PROM1: variants seen among roughly 807,000 people sequenced by gnomAD.
The protein encoded by PROM1 is prominin 1, also known as prominin-1.
A neutral mutation model predicts 116.9 loss-of-function variants in PROM1; 105 were observed. The ratio of observed to expected loss-of-function variants is 0.90; its 90% CI spans 0.77 to 1.06. The LOEUF (loss-of-function observed/expected upper bound fraction) is 1.06. Among genes scored for constraint, PROM1 ranks in the 50% least tolerant of loss-of-function variants. PROM1 has a pLI of 0.00. For missense variants in PROM1, 1,122 were observed against 1,045.2 expected (o/e 1.07, Z -1.01); for synonymous variants, 393 against 387.0 (o/e 1.02, Z -0.18).
At chr4:16,041,010 C>T (rs1249090161) in intron 2 of PROM1, among the ~76,000 whole-genome samples, 4 of 152,234 alleles carry the variant, frequency 2.6e-5, no homozygotes, top group Admixed American at 6.5e-5. Context: ...GAGCCCAGCA[C>T]CTCAAAGGTA....
chr4:16,021,928 C>T (rs573448425), intron 8 of PROM1, among the ~76,000 whole-genome samples: 49 of 152,188 alleles, frequency 3.2e-4, no homozygotes, highest in Non-Finnish European at 5.6e-4. Context: ...AGGTAACTAA[C>T]GTTAAATAAG....
intron 18 of PROM1, 126 bp from the exon 19 acceptor site, chr4:15,989,950 G>C (rs1307494579): frequency 1.4e-6 from 1 of 717,772 alleles, no homozygotes; most frequent in African/African-American, 1.7e-5. Context: ...ATGGCTGTGA[G>C]TGGGCATGGG....
In PROM1 at chr4:16,073,452, T is replaced by C. The variant is rs146565622; in HGVS notation, c.220+2235A>G. 2.4e-3 allele frequency among the ~76,000 whole-genome samples: 364 copies of C among 152,308 alleles called. 5 individuals carry two copies. In the East Asian group the frequency reaches 0.039, roughly 16 times the overall value. On this transcript the variant is annotated intron_variant, in intron 2 of 27. Transcript: ENST00000447510. ...AATCATGATTATCTTATATGTGTCCTCTACATTGCAAAGCACCCAGTGGGC... is the reference window on the plus strand; with the variant it reads ...AATCATGATTATCTTATATGTGTCCCCTACATTGCAAAGCACCCAGTGGGC...
Position 16,003,786 on chromosome 4 carries a change from A to C in PROM1, c.1454+2752T>G, listed in dbSNP as rs116888010. On this transcript the variant is annotated intron_variant, in intron 13 of 27. Coordinates refer to ENST00000447510, the MANE Select transcript of PROM1 (RefSeq NM_006017.3). ...GGCAACAAAGCAAGACTGTCTCCAC[A>C]AAAATAAAATTAAAATAAAATGCTT... Among the ~76,000 whole-genome samples, 757 of 152,314 alleles carry C rather than the reference A, an allele frequency of 5.0e-3. 30 individuals are homozygous for C. The East Asian group carries it at 0.11, about 22-fold the overall frequency.
At chr4:15,987,078 T>C (rs1719616594) in intron 20 of PROM1, among the ~76,000 whole-genome samples, 2 of 152,216 alleles carry the variant, frequency 1.3e-5, no homozygotes, top group South Asian at 4.1e-4. Flanking sequence ...TCCCAGAGCG[T>C]GGAGTATACT....
At chr4:16,009,253 A>G in intron 11 of PROM1, 145 bp from the exon 12 acceptor site, 1 of 687,510 alleles carries the variant, frequency 1.5e-6, no homozygotes, top group South Asian at 1.9e-5. Flanking sequence ...TTCTTCAACA[A>G]GCATGAATAT....
At chr4:16,032,127 A>G (rs1724013096) in intron 5 of PROM1, among the ~76,000 whole-genome samples, 1 of 150,302 alleles carries the variant, frequency 6.7e-6, no homozygotes, top group Non-Finnish European at 1.5e-5. Context: ...AATATGACCC[A>G]GTGCTTGTGT....
chr4:16,082,894 C>G (rs1250709823), intron 1 of PROM1, among the ~76,000 whole-genome samples: 1 of 152,066 alleles, frequency 6.6e-6, no homozygotes, highest in African/African-American at 2.4e-5. Flanking sequence ...TGTCCACGCT[C>G]CTCTTTGTTG....
chr4:16,030,635 G>C (rs970431235), intron 5 of PROM1, among the ~76,000 whole-genome samples: 2 of 152,102 alleles, frequency 1.3e-5, no homozygotes. Flanking sequence ...CTTTATTGTT[G>C]ATATATTTTG....
intron 2 of PROM1, among the ~76,000 whole-genome samples, chr4:16,062,135 C>G (rs1439708399): frequency 6.6e-6 from 1 of 152,048 alleles, no homozygotes; most frequent in Non-Finnish European, 1.5e-5. Flanking sequence ...TTCGTGACCA[C>G]CCGCCTCGGC....
chr4:16,011,573 C>G (rs915335643), intron 11 of PROM1, among the ~76,000 whole-genome samples: 4 of 152,176 alleles, frequency 2.6e-5, no homozygotes, highest in Non-Finnish European at 4.4e-5. Context: ...TTTGCTGTGT[C>G]AGACTTACAA....
At chr4:16,001,165 A>C (rs1471019472) in intron 13 of PROM1, among the ~76,000 whole-genome samples, 1 of 152,084 alleles carries the variant, frequency 6.6e-6, no homozygotes, top group Non-Finnish European at 1.5e-5. Context: ...GTAATATAGG[A>C]GACACAGGAG....
intron 2 of PROM1, among the ~76,000 whole-genome samples, chr4:16,073,367 A>T (rs1011583225): frequency 6.6e-6 from 1 of 152,182 alleles, no homozygotes; most frequent in Admixed American, 6.5e-5. Flanking sequence ...TGCATCTTCA[A>T]TTATGAGGGC....
At chr4:15,986,252 C>T (rs1207231264) in intron 20 of PROM1, among the ~76,000 whole-genome samples, 1 of 152,090 alleles carries the variant, frequency 6.6e-6, no homozygotes, top group Non-Finnish European at 1.5e-5. Flanking sequence ...CTGGGCTAGT[C>T]CTTGATAGGA....
At chr4:16,072,616 C>T (rs1743063865) in intron 2 of PROM1, among the ~76,000 whole-genome samples, 1 of 152,236 alleles carries the variant, frequency 6.6e-6, no homozygotes, top group African/African-American at 2.4e-5. Context: ...CAGTAACAGA[C>T]CTTTCCCAAG....
At chr4:15,981,337 G>A (rs890758363) in intron 23 of PROM1, among the ~76,000 whole-genome samples, 2 of 151,390 alleles carry the variant, frequency 1.3e-5, no homozygotes, top group Non-Finnish European at 2.9e-5. Context: ...TTGGGAGGCC[G>A]AGGCAGGCGG....
chr4:16,061,296 A>G (rs1740257107), intron 2 of PROM1, among the ~76,000 whole-genome samples: 1 of 152,200 alleles, frequency 6.6e-6, no homozygotes, highest in Non-Finnish European at 1.5e-5. Flanking sequence ...AACAACAACA[A>G]CGGAATGTCA....
At position 16,023,555 on chromosome 4, in the gene PROM1, C is replaced by T. The variant is rs557477913; in HGVS notation, c.695-140G>A. 1.5e-4 allele frequency: 94 copies of T among 630,960 alleles called. No individual in the cohort carries two copies. In the African/African-American group the frequency reaches 1.5e-3, roughly 10 times the overall value. The allele number at this position is 630,960 out of a possible 1,614,324, so 39.1% of individuals were successfully genotyped here. ...CTGGACCCTGTCTAGGGGTTAAACT[C>T]GTGTATGGAGATTTCTCTTCAGGGT... is the stretch of plus-strand genomic sequence containing the variant. On this transcript the variant is annotated intron_variant, in intron 7 of 27. Coordinates refer to ENST00000447510, the MANE Select transcript of PROM1 (RefSeq NM_006017.3).
intron 2 of PROM1, among the ~76,000 whole-genome samples, chr4:16,054,777 C>T (rs1226423741): frequency 6.6e-6 from 1 of 152,156 alleles, no homozygotes; most frequent in African/African-American, 2.4e-5. Flanking sequence ...TGCCTTTGTT[C>T]ATGCCCCCTC....
Sources: allele counts gnomAD v4.1 joint callset (sites outside exome capture counted in the v4.1 genomes callset), GRCh38; gene constraint gnomAD v4.1.1; transcripts MANE v1.5; gene names NCBI Gene and HGNC (gene_info 2026-07-23, HGNC 2026-07-21).